HS3ST5: variants seen among roughly 807,000 people sequenced by gnomAD.
HS3ST5 encodes the protein heparan sulfate-glucosamine 3-sulfotransferase 5.
Under a neutral mutation model 25.4 loss-of-function variants are expected in HS3ST5, and 10 were observed. That is an observed-to-expected ratio of 0.39 (90% CI 0.24 to 0.67). The LOEUF is 0.67. Ranked by LOEUF, HS3ST5 falls within the 30% of genes least tolerant of loss-of-function variation. The pLI, the probability that HS3ST5 is intolerant of heterozygous loss-of-function variation, is 0.44. For synonymous variants in HS3ST5, 170 were observed against 162.4 expected, an observed-to-expected ratio of 1.05 and a Z score of -0.36; for missense variants, 324 against 420.7, an observed-to-expected ratio of 0.77 and a Z score of 2.01.
chr6:114,227,336 G>A (rs1343204885), intron 2 of HS3ST5, among the ~76,000 whole-genome samples: 1 of 150,874 alleles, frequency 6.6e-6, no homozygotes, highest in Non-Finnish European at 1.5e-5. Flanking sequence ...GACTAATAGA[G>A]ACAAAAAATG....
intron 1 of HS3ST5, among the ~76,000 whole-genome samples, chr6:114,262,391 C>CA (rs961149075): frequency 6.6e-6 from 1 of 151,904 alleles, no homozygotes; most frequent in African/African-American, 2.4e-5. Flanking sequence ...ACTAAAAATA[C>CA]AAAAAATTAG....
chr6:114,154,336 G>T (rs1778596884), intron 3 of HS3ST5, among the ~76,000 whole-genome samples: 1 of 152,034 alleles, frequency 6.6e-6, no homozygotes, highest in African/African-American at 2.4e-5. Context: ...AGCTGAAAAG[G>T]GAACCCAAAA....
At chr6:114,185,551 A>G (rs1473176744) in intron 2 of HS3ST5, among the ~76,000 whole-genome samples, 1 of 152,086 alleles carries the variant, frequency 6.6e-6, no homozygotes, top group Non-Finnish European at 1.5e-5. Flanking sequence ...ATTGCACTCC[A>G]CAGATAGTGC....
intron 1 of HS3ST5, among the ~76,000 whole-genome samples, chr6:114,302,760 CTCT>C: frequency 6.6e-6 from 1 of 152,260 alleles, no homozygotes; most frequent in South Asian, 2.1e-4. Context: ...AATCCTTTAT[CTCT>C]TAGTAAAATC....
In HS3ST5 at chr6:114,279,134, C is replaced by T. The variant is rs545252813; in HGVS notation, c.-338-50356G>A. 7.0e-4 allele frequency among the ~76,000 whole-genome samples: 107 copies of T among 151,948 alleles called. 1 individual carries two copies. The highest frequency in any genetic ancestry group is 6.8e-3 in the Middle Eastern group (2 of 294). Reference sequence around the variant, plus strand: ...GTATGTTAAAACTTCAGGAATATTCCAAGTTCGTATTTTTTAAAAAAAATC... The same window carrying T: ...GTATGTTAAAACTTCAGGAATATTCTAAGTTCGTATTTTTTAAAAAAAATC... On this transcript the variant is annotated intron_variant, in intron 1 of 4. Transcript: ENST00000312719.
intron 1 of HS3ST5, among the ~76,000 whole-genome samples, chr6:114,311,613 G>A (rs1366235585): frequency 3.3e-5 from 4 of 122,460 alleles, no homozygotes; most frequent in African/African-American, 1.3e-4. Context: ...CACAATCTCA[G>A]CTCACTGCAA....
chr6:114,308,724 C>A (rs1775406573), intron 1 of HS3ST5, among the ~76,000 whole-genome samples: 1 of 152,174 alleles, frequency 6.6e-6, no homozygotes, highest in Non-Finnish European at 1.5e-5. Context: ...ACTGCCCCAG[C>A]ACCCAGTCCC....
intron 2 of HS3ST5, among the ~76,000 whole-genome samples, chr6:114,206,177 C>T (rs1781269959): frequency 6.6e-6 from 1 of 152,108 alleles, no homozygotes; most frequent in Non-Finnish European, 1.5e-5. Context: ...AGGACAAAGA[C>T]CAAATGTATT....
intron 1 of HS3ST5, among the ~76,000 whole-genome samples, chr6:114,295,379 A>G (rs1471529604): frequency 6.6e-6 from 1 of 152,166 alleles, no homozygotes; most frequent in Non-Finnish European, 1.5e-5. Flanking sequence ...CCTTCTCCAA[A>G]AGAGATAAAG....
chr6:114,205,934 A>G (rs959812215), intron 2 of HS3ST5, among the ~76,000 whole-genome samples: 3 of 152,118 alleles, frequency 2.0e-5, no homozygotes, highest in Non-Finnish European at 4.4e-5. Context: ...CAACCCTACG[A>G]TTCACCTCCT....
chr6:114,085,670 C>T (rs1030440379), intron 3 of HS3ST5, among the ~76,000 whole-genome samples: 2 of 152,116 alleles, frequency 1.3e-5, no homozygotes, highest in Non-Finnish European at 2.9e-5. Flanking sequence ...ACAGCAATAG[C>T]CACTTGATAA....
intron 1 of HS3ST5, among the ~76,000 whole-genome samples, chr6:114,341,285 G>T (rs1030878044): frequency 1.4e-5 from 2 of 146,386 alleles, no homozygotes; most frequent in African/African-American, 5.1e-5. Context: ...GTGAAGACAG[G>T]GTAGACCACG....
chr6:114,252,955 G>A (rs1272808371), intron 1 of HS3ST5, among the ~76,000 whole-genome samples: 1 of 152,096 alleles, frequency 6.6e-6, no homozygotes, highest in Non-Finnish European at 1.5e-5. Context: ...CTAGCACTTT[G>A]GGAATTGCTT....
chr6:114,089,308 A>G (rs978889920), intron 3 of HS3ST5, among the ~76,000 whole-genome samples: 49 of 152,206 alleles, frequency 3.2e-4, no homozygotes, highest in African/African-American at 1.1e-3. Flanking sequence ...ATAGTTAATT[A>G]CACCTTTCCT....
At chr6:114,072,106 T>C (rs2114734923) in intron 3 of HS3ST5, among the ~76,000 whole-genome samples, 1 of 152,290 alleles carries the variant, frequency 6.6e-6, no homozygotes, top group Non-Finnish European at 1.5e-5. Context: ...ATGAAGTTCA[T>C]GCAAAGCTGA....
intron 3 of HS3ST5, among the ~76,000 whole-genome samples, chr6:114,078,572 T>C (rs1007758730): frequency 9.8e-5 from 15 of 152,326 alleles, no homozygotes; most frequent in Admixed American, 3.3e-4. Context: ...AAACATTTTA[T>C]TGGACTTTCA....
At chr6:114,302,488 ACAATAAT>A (rs1381138947) in intron 1 of HS3ST5, among the ~76,000 whole-genome samples, 2 of 152,206 alleles carry the variant, frequency 1.3e-5, no homozygotes, top group African/African-American at 4.8e-5. Context: ...AAAACCTAGG[ACAATAAT>A]TCAGGTATGT....
chr6:114,087,873 G>A (rs1344534982), intron 3 of HS3ST5, among the ~76,000 whole-genome samples: 1 of 152,032 alleles, frequency 6.6e-6, no homozygotes, highest in Non-Finnish European at 1.5e-5. Flanking sequence ...CCTAAAAGTT[G>A]CTTTTACTAA....
intron 1 of HS3ST5, among the ~76,000 whole-genome samples, chr6:114,324,709 C>T (rs745455641): frequency 1.5e-4 from 23 of 152,290 alleles, no homozygotes; most frequent in Non-Finnish European, 3.1e-4. Flanking sequence ...CAAAGTCTAT[C>T]GGTACCATCA....
Sources: gnomAD v4.1 joint callset for allele counts (sites outside exome capture counted in the v4.1 genomes callset) on GRCh38, gnomAD v4.1.1 for gene constraint, MANE v1.5 for transcripts, NCBI Gene and HGNC (gene_info 2026-07-23, HGNC 2026-07-21) for gene names.